The following LRRC28 variants were observed in gnomAD, a reference collection of about 807,000 sequenced individuals.
LRRC28 encodes leucine-rich repeat-containing protein 28.
A neutral mutation model predicts 45.7 loss-of-function variants in LRRC28; 39 were observed. The observed-to-expected ratio is 0.85, with a 90% CI of 0.66 to 1.12. LRRC28 has a LOEUF of 1.12. Among genes scored for constraint, LRRC28 ranks in the 50% most tolerant of loss-of-function variants. The pLI, the probability that LRRC28 is intolerant of heterozygous loss-of-function variation, is 0.00. For missense variants in LRRC28, 435 were observed against 438.5 expected (o/e 0.99, Z 0.07); for synonymous variants, 206 against 178.8 (o/e 1.15, Z -1.22).
At chr15:99,255,714 T>A (rs542492985) in intron 1 of LRRC28, among the ~76,000 whole-genome samples, 184 bp from the exon 2 acceptor site, 4 of 152,190 alleles carry the variant, frequency 2.6e-5, no homozygotes, top group Non-Finnish European at 5.9e-5. Context: ...TTTTATTAAA[T>A]TGTTATTCAT....
chr15:99,295,807 T>TAC (rs1567637436), intron 5 of LRRC28, among the ~76,000 whole-genome samples: 1 of 152,272 alleles, frequency 6.6e-6, no homozygotes, highest in African/African-American at 2.4e-5. Flanking sequence ...CAGAAATGTG[T>TAC]ACCACATATA....
chr15:99,379,340 A>C (rs141103296), intron 9 of LRRC28, among the ~76,000 whole-genome samples: 249 of 152,312 alleles, frequency 1.6e-3, no homozygotes, highest in African/African-American at 5.7e-3. Context: ...TGTTAATTAT[A>C]GTATTCTCTG....
At chr15:99,302,318 C>T (rs879709461) in intron 5 of LRRC28, among the ~76,000 whole-genome samples, 3 of 152,024 alleles carry the variant, frequency 2.0e-5, no homozygotes, top group African/African-American at 7.2e-5. Context: ...TGAGCCACCG[C>T]ACCTGGCCAA....
At chr15:99,312,341 A>G (rs375670658) in intron 5 of LRRC28, among the ~76,000 whole-genome samples, 1 of 152,186 alleles carries the variant, frequency 6.6e-6, no homozygotes, top group African/African-American at 2.4e-5. Context: ...ACACTAACAC[A>G]CATATTAGTC....
chr15:99,261,064 C>T (rs533623918), intron 2 of LRRC28, among the ~76,000 whole-genome samples: 1 of 152,342 alleles, frequency 6.6e-6, no homozygotes, highest in East Asian at 1.9e-4. Context: ...TCAACCTCTA[C>T]TCTTCTCCCT....
chr15:99,357,380 A>G (rs1047475270), intron 7 of LRRC28, among the ~76,000 whole-genome samples: 8 of 152,232 alleles, frequency 5.3e-5, no homozygotes, highest in African/African-American at 1.9e-4. Context: ...CAAACAGCCC[A>G]AATGTCCATC....
At chr15:99,275,564 T>A (rs2152172201) in intron 2 of LRRC28, among the ~76,000 whole-genome samples, 1 of 152,336 alleles carries the variant, frequency 6.6e-6, no homozygotes, top group South Asian at 2.1e-4. Context: ...CGTGACAAAT[T>A]ATCAAAAACT....
chr15:99,373,115 G>A (rs528320697), intron 9 of LRRC28, among the ~76,000 whole-genome samples: 26 of 152,228 alleles, frequency 1.7e-4, no homozygotes, highest in African/African-American at 4.1e-4. Flanking sequence ...GGGTGGGGAC[G>A]CAGCTAAACC....
chr15:99,289,760 C>T (rs1027878092), intron 5 of LRRC28, among the ~76,000 whole-genome samples: 4 of 149,022 alleles, frequency 2.7e-5, no homozygotes, highest in African/African-American at 7.4e-5. Flanking sequence ...GGTGAAACCC[C>T]GTCTCTACTA....
chr15:99,289,939 CAAA>C (rs398028517), intron 5 of LRRC28, among the ~76,000 whole-genome samples: 6 of 49,712 alleles, frequency 1.2e-4, no homozygotes, highest in East Asian at 1.0e-3. Flanking sequence ...GACTCCGTCT[CAAA>C]AAAAAAAAAA....
At chr15:99,257,851 A>G (rs2081070383) in intron 2 of LRRC28, 1 of 777,410 alleles carries the variant, frequency 1.3e-6, no homozygotes, top group African/African-American at 1.7e-5. Flanking sequence ...GAGAAGTTGG[A>G]AAAGTTTGCC....
chr15:99,363,175 A>G lies in LRRC28; in HGVS notation c.941A>G (p.His314Arg), dbSNP rs1188674033. The G allele has an allele frequency of 1.2e-6, 2 of 1,614,034 alleles. No homozygotes were observed. The highest frequency in any genetic ancestry group is 1.7e-6 in the Non-Finnish European group (2 of 1,179,916). The change falls in exon 9 of 10, where the codon CAC (histidine) becomes CGC (arginine). Residue 314 changes from histidine to arginine, a missense_variant. Coordinates refer to ENST00000301981, the MANE Select transcript of LRRC28 (RefSeq NM_144598.5). ...LLELLHCPLG[H>R]CHRCSEPMFT... ...GAGCTGCTGCACTGCCCTCTGGGGC[A>G]CTGTCATCGGTGTAGTGAGCCTATG...
At chr15:99,334,975 CTT>C (rs1198320653) in intron 6 of LRRC28, among the ~76,000 whole-genome samples, 1 of 151,988 alleles carries the variant, frequency 6.6e-6, no homozygotes, top group Non-Finnish European at 1.5e-5. Flanking sequence ...TTCAAGGTAA[CTT>C]TAAAATAATG....
rs535926434 is a variant in LRRC28, at chr15:99,257,950, C to A, written c.168+1825C>A. 3.8e-6 allele frequency: 3 copies of A among 780,390 alleles called. No homozygotes were observed. In the Admixed American group the frequency reaches 5.3e-5, roughly 14 times the overall value. 48.3% of individuals were successfully genotyped at this position (780,390 alleles called of 1,614,324 possible). A position where few individuals can be genotyped will look rare whatever the true frequency, so the allele number is the denominator to read the frequency against. On this transcript the variant is annotated intron_variant, in intron 2 of 9. Coordinates refer to ENST00000301981, the MANE Select transcript of LRRC28 (RefSeq NM_144598.5). ...ATTTTCCTTAGAGAACTGATTCTGACGCTTTAGTTAAGATAAGGCTGATAT... is the reference window on the plus strand; with the variant it reads ...ATTTTCCTTAGAGAACTGATTCTGAAGCTTTAGTTAAGATAAGGCTGATAT...
At chr15:99,346,915 A>G (rs752149026) in intron 6 of LRRC28, among the ~76,000 whole-genome samples, 38 of 152,248 alleles carry the variant, frequency 2.5e-4, no homozygotes, top group Non-Finnish European at 4.4e-4. Flanking sequence ...AAATTTTATT[A>G]TGTATATTTC....
At chr15:99,329,023 A>G (rs964375012) in intron 5 of LRRC28, among the ~76,000 whole-genome samples, 1 of 152,056 alleles carries the variant, frequency 6.6e-6, no homozygotes. Context: ...ATCTATATAC[A>G]TATCTTATTG....
chr15:99,367,498 C>G (rs2152330782), intron 9 of LRRC28, among the ~76,000 whole-genome samples: 1 of 152,200 alleles, frequency 6.6e-6, no homozygotes, highest in Middle Eastern at 3.4e-3. Context: ...CGATAACTAA[C>G]CCACTCCTGT....
rs1213543796 is a variant in LRRC28 at position 99,265,100 on chromosome 15, AAGAT to A, written c.168+8979_168+8982del. On this transcript the variant is annotated intron_variant, in intron 2 of 9. Coordinates refer to ENST00000301981, the MANE Select transcript of LRRC28 (RefSeq NM_144598.5). ...ACTCACATGGCAGTTTGGCTAGAGA[AAGAT>A]AGAATTGTTGGGTGTTATTTAGCAA... is the stretch of plus-strand genomic sequence containing the variant. Among the ~76,000 whole-genome samples, 24 of 152,256 alleles carry A rather than the reference AAGAT, an allele frequency of 1.6e-4. No individual in the cohort carries two copies. The South Asian group carries it at 1.7e-3, about 11-fold the overall frequency.
chr15:99,266,175 G>T (rs575460685), intron 2 of LRRC28, among the ~76,000 whole-genome samples: 42 of 152,238 alleles, frequency 2.8e-4, no homozygotes, highest in African/African-American at 9.6e-4. Context: ...TCCTGAATTG[G>T]GCTGGGAAAT....
Sources: gnomAD v4.1 joint callset for allele counts (sites outside exome capture counted in the v4.1 genomes callset) on GRCh38, gnomAD v4.1.1 for gene constraint, MANE v1.5 for transcripts, NCBI Gene and HGNC (gene_info 2026-07-23, HGNC 2026-07-21) for gene names.